ALK: variants seen among roughly 807,000 people sequenced by gnomAD.
The protein encoded by ALK is ALK tyrosine kinase receptor.
ALK carries 74 observed loss-of-function variants against 163.1 expected under a neutral mutation model. The ratio of observed to expected loss-of-function variants is 0.45; its 90% CI spans 0.38 to 0.55. The LOEUF is 0.55. Ranked by LOEUF, ALK falls within the 20% of genes least tolerant of loss-of-function variation. The pLI is 0.00. For missense variants in ALK, 2,063 were observed against 2,105.3 expected, an observed-to-expected ratio of 0.98 and a Z score of 0.39; for synonymous variants, 960 against 843.2, an observed-to-expected ratio of 1.14 and a Z score of -2.40.
intron 3 of ALK, among the ~76,000 whole-genome samples, chr2:29,652,545 T>C (rs1372199317): frequency 6.6e-6 from 1 of 152,182 alleles, no homozygotes; most frequent in Non-Finnish European, 1.5e-5. Context: ...GATTGACTGA[T>C]GACTGGCAGC....
intron 4 of ALK, among the ~76,000 whole-genome samples, chr2:29,507,494 T>C (rs1490346372): frequency 6.6e-6 from 1 of 152,208 alleles, no homozygotes; most frequent in Non-Finnish European, 1.5e-5. Context: ...TTAACACTAT[T>C]GAACTGTACA....
At chr2:29,458,161 T>G (rs143082774) in intron 4 of ALK, among the ~76,000 whole-genome samples, 178 of 152,314 alleles carry the variant, frequency 1.2e-3, no homozygotes, top group African/African-American at 4.0e-3. Flanking sequence ...CACACATACA[T>G]GTACACACAC....
Position 29,281,064 on chromosome 2 carries a change from A to G in ALK, c.1818-5568T>C, listed in dbSNP as rs370397991. 7.3e-5 allele frequency among the ~76,000 whole-genome samples: 11 copies of G among 150,648 alleles called. No individual in the cohort carries two copies. The East Asian group carries it at 1.2e-3, about 16-fold the overall frequency. Reference sequence around the variant, plus strand: ...AGGTAGACCACTGTGGGACTGAGGAAAAGTTCTAGTATGTACCAGGTGGTC... The same window carrying G: ...AGGTAGACCACTGTGGGACTGAGGAGAAGTTCTAGTATGTACCAGGTGGTC... On this transcript the variant is annotated intron_variant, in intron 9 of 28. Coordinates refer to ENST00000389048, the MANE Select transcript of ALK (RefSeq NM_004304.5).
In ALK at chr2:29,435,920, G is replaced by A. The variant is rs367876072; in HGVS notation, c.1155-52061C>T. Among the ~76,000 whole-genome samples the A allele has an allele frequency of 1.8e-4, 28 of 152,018 alleles. No homozygotes were observed. The East Asian group carries it at 1.9e-3, about 11-fold the overall frequency. On this transcript the variant is annotated intron_variant, in intron 4 of 28. Transcript: ENST00000389048. ...ATTTGGTTTGAGTATAACTTTGGTCGAAAAAATGATAGGAAGAAGCAAAGA... is the reference window on the plus strand; with the variant it reads ...ATTTGGTTTGAGTATAACTTTGGTCAAAAAAATGATAGGAAGAAGCAAAGA...
intron 19 of ALK, 95 bp downstream of exon 19, chr2:29,225,366 C>A (rs59966676): frequency 8.6e-7 from 1 of 1,158,594 alleles, no homozygotes; most frequent in South Asian, 1.3e-5. Context: ...ACTAGCATAA[C>A]GAAGTGACAC....
intron 3 of ALK, among the ~76,000 whole-genome samples, chr2:29,623,876 T>C (rs1310155835): frequency 6.6e-6 from 1 of 152,236 alleles, no homozygotes; most frequent in East Asian, 1.9e-4. Context: ...AAGTCTTTCT[T>C]CAAACGTCTA....
intron 1 of ALK, among the ~76,000 whole-genome samples, chr2:29,843,698 G>C (rs1288660698): frequency 6.6e-6 from 1 of 152,162 alleles, no homozygotes; most frequent in African/African-American, 2.4e-5. Context: ...CCCATAATTT[G>C]TCAGTAAAAT....
intron 1 of ALK, chr2:29,890,406 T>C (rs559021618): frequency 1.3e-5 from 2 of 152,366 alleles, no homozygotes; most frequent in South Asian, 4.1e-4. Flanking sequence ...TGAAATTCTC[T>C]GTTGTACTCT....
At chr2:29,443,877 T>C (rs533865129) in intron 4 of ALK, among the ~76,000 whole-genome samples, 1 of 152,282 alleles carries the variant, frequency 6.6e-6, no homozygotes, top group African/African-American at 2.4e-5. Context: ...CTGATAGTCA[T>C]GCTAATAATA....
chr2:29,277,194 T>C (rs976473598), intron 9 of ALK, among the ~76,000 whole-genome samples: 8 of 151,828 alleles, frequency 5.3e-5, no homozygotes, highest in Non-Finnish European at 1.2e-4. Flanking sequence ...GAGGAAGAGA[T>C]ATGGAAAGAA....
chr2:29,603,011 G>T (rs1675421314), intron 3 of ALK, among the ~76,000 whole-genome samples: 1 of 152,212 alleles, frequency 6.6e-6, no homozygotes, highest in South Asian at 2.1e-4. Flanking sequence ...TGAAGTGGGG[G>T]CTTGCAGGTC....
At chr2:29,396,682 A>G (rs1669312533) in intron 4 of ALK, among the ~76,000 whole-genome samples, 1 of 151,972 alleles carries the variant, frequency 6.6e-6, no homozygotes, top group Non-Finnish European at 1.5e-5. Context: ...CTCAAAAACA[A>G]AAACAAAAAC....
chr2:29,915,200 C>T lies in ALK; in HGVS notation c.667+4793G>A, dbSNP rs527362412. Among the ~76,000 whole-genome samples the T allele has an allele frequency of 3.9e-5, 6 of 152,234 alleles. No homozygotes were observed. In the East Asian group the frequency reaches 1.2e-3, roughly 29 times the overall value. Reference sequence around the variant, plus strand: ...TGATCAACTCTCATTCTTTTCTTCTCCCACCTTCAGGCCAGTTCCTCCTGA... The same window carrying T: ...TGATCAACTCTCATTCTTTTCTTCTTCCACCTTCAGGCCAGTTCCTCCTGA... On this transcript the variant is annotated intron_variant, in intron 1 of 28. Transcript: ENST00000389048.
At chr2:29,449,336 T>G (rs1410206605) in intron 4 of ALK, among the ~76,000 whole-genome samples, 1 of 152,198 alleles carries the variant, frequency 6.6e-6, no homozygotes, top group Non-Finnish European at 1.5e-5. Flanking sequence ...GCACGTTCAT[T>G]GCCTAGTGGG....
At position 29,789,746 on chromosome 2, in the gene ALK, G is replaced by T. The variant is rs542257422; in HGVS notation, c.668-72049C>A. ...TATTCATTAGAATCACCTAAGGAGCGTTTAAAATCATTGATGTGGGGAGGT... is the reference window on the plus strand; with the variant it reads ...TATTCATTAGAATCACCTAAGGAGCTTTTAAAATCATTGATGTGGGGAGGT... On this transcript the variant is annotated intron_variant, in intron 1 of 28. Transcript: ENST00000389048. Among the ~76,000 whole-genome samples the T allele has an allele frequency of 1.8e-4, 27 of 152,276 alleles. No homozygotes were observed. In the South Asian group the frequency reaches 5.6e-3, roughly 32 times the overall value.
At chr2:29,491,636 C>T (rs1331783015) in intron 4 of ALK, among the ~76,000 whole-genome samples, 1 of 152,194 alleles carries the variant, frequency 6.6e-6, no homozygotes, top group South Asian at 2.1e-4. Context: ...AGGAGTGTCT[C>T]AGCAAGGAAC....
chr2:29,275,342 C>G (rs1665507381), intron 10 of ALK, 60 bp downstream of exon 10: 1 of 1,607,884 alleles, frequency 6.2e-7, no homozygotes, highest in Non-Finnish European at 8.5e-7. Context: ...GAGGAGGGGA[C>G]AATGAGGCCA....
chr2:29,375,388 G>A (rs940321307), intron 5 of ALK, among the ~76,000 whole-genome samples: 4 of 152,074 alleles, frequency 2.6e-5, no homozygotes, highest in African/African-American at 9.6e-5. Flanking sequence ...GCACCACCTC[G>A]GCTCACTGCA....
At chr2:29,434,752 A>T (rs1460999599) in intron 4 of ALK, among the ~76,000 whole-genome samples, 1 of 152,196 alleles carries the variant, frequency 6.6e-6, no homozygotes, top group Non-Finnish European at 1.5e-5. Context: ...TATAATAACC[A>T]CTTTCAATGG....
Sources: allele counts gnomAD v4.1 joint callset (sites outside exome capture counted in the v4.1 genomes callset), GRCh38; gene constraint gnomAD v4.1.1; transcripts MANE v1.5; gene names NCBI Gene and HGNC (gene_info 2026-07-23, HGNC 2026-07-21).